The following IQCB1 variants were observed in gnomAD, a reference collection of about 807,000 sequenced individuals.
IQCB1 encodes IQ calmodulin-binding motif-containing protein 1.
Under a neutral mutation model 84.4 loss-of-function variants are expected in IQCB1, and 56 were observed. The ratio of observed to expected loss-of-function variants is 0.66; its 90% CI spans 0.54 to 0.83. The LOEUF (loss-of-function observed/expected upper bound fraction) is 0.83, where lower values mean the gene tolerates loss of function less well. IQCB1 is among the 40% of genes least tolerant of loss of function. The pLI is 0.00. For missense variants in IQCB1, 629 were observed against 682.1 expected, an observed-to-expected ratio of 0.92 and a Z score of 0.87; for synonymous variants, 210 against 234.8, an observed-to-expected ratio of 0.89 and a Z score of 0.96.
At chr3:121,808,613 A>G (rs531801699) in intron 6 of IQCB1, among the ~76,000 whole-genome samples, 1 of 151,976 alleles carries the variant, frequency 6.6e-6, no homozygotes, top group Non-Finnish European at 1.5e-5. Context: ...TTTAAACTTA[A>G]AAGTTATTTT....
At chr3:121,788,257 G>A (rs1303865303) in intron 12 of IQCB1, 27 bp downstream of exon 12, 4 of 1,610,942 alleles carry the variant, frequency 2.5e-6, no homozygotes, top group Non-Finnish European at 2.5e-6. Context: ...TCTTGATTCA[G>A]AGCTCTTTTC....
chr3:121,806,817 A>C (rs1211932139), intron 7 of IQCB1, among the ~76,000 whole-genome samples: 1 of 150,760 alleles, frequency 6.6e-6, no homozygotes, highest in East Asian at 1.9e-4. Context: ...GACAGACAGC[A>C]GCTGCATAAT....
chr3:121,799,832 G>A (rs948437816), intron 7 of IQCB1, among the ~76,000 whole-genome samples: 1 of 151,692 alleles, frequency 6.6e-6, no homozygotes, highest in African/African-American at 2.4e-5. Flanking sequence ...ATCTTTCCTT[G>A]GTATTTCCTT....
rs72626329 is a variant in IQCB1, at chr3:121,778,315, A to G, written c.1410+3428T>C. Among the ~76,000 whole-genome samples, 5,926 of 151,844 alleles carry G rather than the reference A, an allele frequency of 0.039. 1,108 individuals are homozygous for G. In the East Asian group the frequency reaches 0.62, roughly 16 times the overall value. On this transcript the variant is annotated intron_variant, in intron 13 of 14. Coordinates refer to ENST00000310864, the MANE Select transcript of IQCB1 (RefSeq NM_001023570.4). ...GTATAGCTTGCAACTATTTTTTCCC[A>G]TTCTATAGGCTGTTTACTGTTGACT... is the stretch of plus-strand genomic sequence containing the variant.
chr3:121,780,846 G>A (rs1948441749), intron 13 of IQCB1, among the ~76,000 whole-genome samples: 1 of 148,030 alleles, frequency 6.8e-6, no homozygotes, highest in Admixed American at 6.9e-5. Flanking sequence ...AAGTCTGTGT[G>A]TGTATCTGTG....
intron 7 of IQCB1, among the ~76,000 whole-genome samples, chr3:121,800,759 T>C (rs1213076437): frequency 2.0e-5 from 3 of 151,876 alleles, no homozygotes; most frequent in African/African-American, 7.2e-5. Flanking sequence ...CTCCTAATCT[T>C]AAAGACATCC....
At chr3:121,809,765 G>T (rs1949754430) in intron 5 of IQCB1, among the ~76,000 whole-genome samples, 1 of 151,936 alleles carries the variant, frequency 6.6e-6, no homozygotes, top group Non-Finnish European at 1.5e-5. Context: ...TTAGTGGAAT[G>T]TTGGATAAAG....
chr3:121,801,293 T>C (rs1057021280), intron 7 of IQCB1, among the ~76,000 whole-genome samples: 1 of 152,076 alleles, frequency 6.6e-6, no homozygotes, highest in African/African-American at 2.4e-5. Context: ...CATTTGAGTT[T>C]TAGCTAGTCC....
intron 2 of IQCB1, among the ~76,000 whole-genome samples, chr3:121,832,328 T>TTTTC (rs1950671075): frequency 5.1e-5 from 1 of 19,506 alleles, no homozygotes; most frequent in Non-Finnish European, 1.0e-4. Context: ...AATTTTACAA[T>TTTTC]TTTTTTTTTT....
At chr3:121,799,108 TTAAAA>T (rs1949307594) in intron 8 of IQCB1, 83 bp downstream of exon 8, 1 of 982,468 alleles carries the variant, frequency 1.0e-6, no homozygotes, top group African/African-American at 1.6e-5. Context: ...TATCAACTCT[TTAAAA>T]TATAAGAATT....
At chr3:121,823,396 A>C (rs1184782810) in intron 5 of IQCB1, among the ~76,000 whole-genome samples, 1 of 152,228 alleles carries the variant, frequency 6.6e-6, no homozygotes, top group Non-Finnish European at 1.5e-5. Context: ...GGTTCATCAA[A>C]GTAAAATTGC....
chr3:121,799,444 T>C (rs1949325322), intron 7 of IQCB1, 70 bp from the exon 8 acceptor site: 1 of 951,488 alleles, frequency 1.1e-6, no homozygotes, highest in Non-Finnish European at 1.6e-6. Context: ...AAATCTAAAA[T>C]ATAAGATTCA....
chr3:121,826,495 A>G (rs1950470720), intron 4 of IQCB1, among the ~76,000 whole-genome samples: 1 of 152,226 alleles, frequency 6.6e-6, no homozygotes, highest in African/African-American at 2.4e-5. Context: ...TCTCAAAGCT[A>G]TAGGATACCT....
chr3:121,807,380 A>T lies in IQCB1; in HGVS notation c.551T>A (p.Val184Asp). ...TAGTATATTCTGTAGCATCATCATG[A>T]CTGCAGATCCTATTTGGACATTGTC... ...QADNVQIGSA[V>D]MMMLQNILQI... The change falls in exon 7 of 15, where the codon GTC becomes GAC. Residue 184 changes from valine to aspartate, a missense_variant. By Grantham distance (152) the Val-to-Asp change is radical. Transcript: ENST00000310864. The T allele has an allele frequency of 6.3e-7, 1 of 1,582,466 alleles. No individual in the cohort carries two copies. The highest frequency in any genetic ancestry group is 1.1e-5 in the South Asian group (1 of 90,380).
intron 11 of IQCB1, 55 bp downstream of exon 11, chr3:121,790,018 T>C: frequency 6.6e-7 from 1 of 1,511,870 alleles, no homozygotes; most frequent in Non-Finnish European, 9.2e-7. Flanking sequence ...AAAGTTGGTT[T>C]GTTAAAAGAT....
intron 13 of IQCB1, among the ~76,000 whole-genome samples, chr3:121,778,188 C>T (rs1262039477): frequency 6.6e-6 from 1 of 152,134 alleles, no homozygotes; most frequent in Non-Finnish European, 1.5e-5. Context: ...AGATTACAGG[C>T]ATGAGCCACA....
rs1314931428 is a variant in IQCB1, at chr3:121,799,109, TAAAA to T, written c.766+83_766+86del. On this transcript the variant is annotated intron_variant, in intron 8 of 14. Transcript: ENST00000310864. ...CTACATAGGTCAGTTATCAACTCTT[TAAAA>T]TATAAGAATTTTGTTTTTCATAAAC... 12 of 989,472 alleles carry T rather than the reference TAAAA, an allele frequency of 1.2e-5. No individual in the cohort carries two copies. The South Asian group carries it at 1.7e-4, about 14-fold the overall frequency. The allele number at this position is 989,472 out of a possible 1,614,324, so 61.3% of individuals were successfully genotyped here. A position where few individuals can be genotyped will look rare whatever the true frequency, so the allele number is the denominator to read the frequency against.
At chr3:121,772,493 T>C in intron 14 of IQCB1, 64 bp downstream of exon 14, 1 of 1,548,436 alleles carries the variant, frequency 6.5e-7, no homozygotes, top group South Asian at 1.1e-5. Flanking sequence ...TCTAAAGGTT[T>C]TGGATGTCAC....
chr3:121,771,854 G>A (rs993559804), intron 14 of IQCB1, among the ~76,000 whole-genome samples: 2 of 152,074 alleles, frequency 1.3e-5, no homozygotes, highest in Non-Finnish European at 2.9e-5. Flanking sequence ...CAGTGGTTAT[G>A]ATGAATTCAT....
Sources: allele counts gnomAD v4.1 joint callset (sites outside exome capture counted in the v4.1 genomes callset), GRCh38; gene constraint gnomAD v4.1.1; transcripts MANE v1.5; gene names NCBI Gene and HGNC (gene_info 2026-07-23, HGNC 2026-07-21).